Variants in NOTCH1 observed in about 807,000 individuals in gnomAD.
NOTCH1 encodes the protein notch receptor 1.
NOTCH1 carries 37 observed loss-of-function variants against 254.8 expected under a neutral mutation model. The observed-to-expected ratio is 0.15, with a 90% CI of 0.11 to 0.19. The LOEUF is 0.19. Ranked by LOEUF, NOTCH1 falls within the 10% of genes least tolerant of loss-of-function variation. The pLI is 1.00. For synonymous variants in NOTCH1, 1,731 were observed against 1,618.1 expected, an observed-to-expected ratio of 1.07 and a Z score of -1.68; for missense variants, 2,972 against 3,708.6, an observed-to-expected ratio of 0.80 and a Z score of 5.16.
chr9:136,512,906 C>CGG, intron 15 of NOTCH1, 115 bp downstream of exon 15: 2 of 500,926 alleles, frequency 4.0e-6, no homozygotes, highest in East Asian at 4.8e-5. Context: ...CTTCCCAGGC[C>CGG]GCCCCCACCC....
At position 136,518,433 on chromosome 9, in the gene NOTCH1, G is replaced by C. The variant is rs149384840; in HGVS notation, c.1100-141C>G. 7.7e-3 allele frequency: 9,377 copies of C among 1,210,888 alleles called. 52 individuals carry two copies. Among genetic ancestry groups the C allele is most frequent in the Non-Finnish European group, 9.3e-3 (7,949 of 852,776 alleles). The allele number at this position is 1,210,888 out of a possible 1,614,324, so 75.0% of individuals were successfully genotyped here. On this transcript the variant is annotated intron_variant, in intron 6 of 33. Transcript: ENST00000651671. Reference sequence around the variant, plus strand: ...TCGGGCATCCCGTGACACTTGGGACGTTCCGGGGGACTCACAGCGACCACC... The same window carrying C: ...TCGGGCATCCCGTGACACTTGGGACCTTCCGGGGGACTCACAGCGACCACC...
rs1034165273 is a variant in NOTCH1, at chr9:136,545,219, C to G, written c.61+507G>C. Among the ~76,000 whole-genome samples the G allele has an allele frequency of 3.3e-5, 5 of 152,044 alleles. No homozygotes were observed. Among genetic ancestry groups the G allele is most frequent in the African/African-American group, 1.2e-4 (5 of 41,412 alleles). ...CGGGGCGACCGGGAGCCCGGGGACC[C>G]AGCCCGGCCGCGCGGGTCAGTGAAG... is the stretch of plus-strand genomic sequence containing the variant. On this transcript the variant is annotated intron_variant, in intron 1 of 33. Coordinates refer to ENST00000651671, the MANE Select transcript of NOTCH1 (RefSeq NM_017617.5). This position sits in a 1 kb window ranked among gnomAD's most constrained non-coding sequence, Gnocchi z 6.8.
In NOTCH1 at chr9:136,506,698, C is replaced by T; in HGVS notation, c.3901+18G>A. The T allele has an allele frequency of 6.3e-7, 1 of 1,596,642 alleles. No individual in the cohort carries two copies. The highest frequency in any genetic ancestry group is 8.5e-7 in the Non-Finnish European group (1 of 1,172,390). On this transcript the variant is annotated intron_variant, in intron 23 of 33. Coordinates refer to ENST00000651671, the MANE Select transcript of NOTCH1 (RefSeq NM_017617.5). This position sits in a 1 kb window ranked among gnomAD's most constrained non-coding sequence, Gnocchi z 4.5. ...CCTGCTGCCCCACACGCCCCACCCG[C>T]CTGGGCGCGGCACCCACCGGTGTGA...
chr9:136,518,264 G>A lies in NOTCH1; in HGVS notation c.1128C>T (p.Cys376=). 1.2e-6 allele frequency: 2 copies of A among 1,611,282 alleles called. No individual in the cohort carries two copies. Among genetic ancestry groups the A allele is most frequent in the Non-Finnish European group, 1.7e-6 (2 of 1,179,382 alleles). Reference sequence around the variant, plus strand: ...AGCCCTCGTTACAGGGGTTGCTGATGCATGCGTCGTTGAGGTGGCACAGCA... The same window carrying A: ...AGCCCTCGTTACAGGGGTTGCTGATACATGCGTCGTTGAGGTGGCACAGCA... ...TGLLCHLNDA[C]ISNPCNEGSN... is the part of the protein sequence containing the mutation. The change falls in exon 7 of 34, where the codon TGC becomes TGT. Residue 376 remains cysteine (C), a synonymous_variant. Coordinates refer to ENST00000651671, the MANE Select transcript of NOTCH1 (RefSeq NM_017617.5).
chr9:136,527,921 T>C (rs990657718), intron 2 of NOTCH1, among the ~76,000 whole-genome samples: 1 of 152,108 alleles, frequency 6.6e-6, no homozygotes, highest in Non-Finnish European at 1.5e-5. Flanking sequence ...CCCGCCTCAG[T>C]ATTTCCACTG....
Position 136,519,433 on chromosome 9 carries a change from G to A in NOTCH1, c.865+10C>T, listed in dbSNP as rs760702631. On this transcript the variant is annotated intron_variant, in intron 5 of 33. Transcript: ENST00000651671. ...CGGCTACCCCGCCCTGCGGCGACCC[G>A]TATACGCGCCTGTCCACTCTGGCGG... 50 of 1,612,552 alleles carry A rather than the reference G, an allele frequency of 3.1e-5. No individual in the cohort carries two copies. Among genetic ancestry groups the A allele is most frequent in the Admixed American group, 5.0e-5 (3 of 60,012 alleles).
At chr9:136,518,500 G>T in intron 6 of NOTCH1, 91 bp downstream of exon 6, 3 of 1,260,912 alleles carry the variant, frequency 2.4e-6, no homozygotes, top group Non-Finnish European at 2.3e-6. Flanking sequence ...TATCCTGGGT[G>T]CAGGAGGGCC....
At position 136,523,104 on chromosome 9, in the gene NOTCH1, A is replaced by T; in HGVS notation, c.488T>A (p.Ile163Asn). The T allele has an allele frequency of 6.2e-7, 1 of 1,601,292 alleles. No homozygotes were observed. Among genetic ancestry groups the T allele is most frequent in the Non-Finnish European group, 8.5e-7 (1 of 1,174,970 alleles). Residue 163 changes from isoleucine (I) to asparagine (N), a missense_variant, in exon 4 of 34, where the codon ATC (isoleucine) becomes AAC (asparagine). This residue lies in a region of NOTCH1 where 374 missense variants were observed against 496.3 expected (regional missense o/e 0.75). Coordinates refer to ENST00000651671, the MANE Select transcript of NOTCH1 (RefSeq NM_017617.5). ...GQCLPFEASYICHCPPSFHGP... is the reference protein window; with the variant it reads ...GQCLPFEASYNCHCPPSFHGP... ...ATGGAAGCTGGGTGGGCAGTGGCAG[A>T]TGTAGGAGGCCTCGAAGGGCAGGCA...
At chr9:136,521,162 G>C (rs899580395) in intron 4 of NOTCH1, among the ~76,000 whole-genome samples, 5 of 152,200 alleles carry the variant, frequency 3.3e-5, no homozygotes, top group African/African-American at 1.2e-4. Context: ...GGGACAGTCT[G>C]AAGCTGGGGT....
rs564008736 is a variant in NOTCH1 at position 136,503,318 on chromosome 9, G to A, written c.5031C>T (p.Tyr1677=). 5 of 1,612,824 alleles carry A rather than the reference G, an allele frequency of 3.1e-6. No homozygotes were observed. The South Asian group carries it at 5.5e-5, about 18-fold the overall frequency. The part of the protein sequence containing the change: ...DPMDVRGSIV[Y]LEIDNRQCVQ... The stretch of plus-strand genomic sequence containing the variant: ...CACACTGCCGGTTGTCAATCTCCAG[G>A]TAGACGATGGAGCTGGGCGGACAAT... The change falls in exon 27 of 34, where the codon TAC becomes TAT. Residue 1677 remains tyrosine (Y), a synonymous_variant. Coordinates refer to ENST00000651671, the MANE Select transcript of NOTCH1 (RefSeq NM_017617.5).
intron 1 of NOTCH1, among the ~76,000 whole-genome samples, chr9:136,544,567 G>A (rs1251845876): frequency 6.6e-6 from 1 of 152,074 alleles, no homozygotes. Context: ...ACGGGGGGAG[G>A]GGGGGTGGCC....
chr9:136,518,926 C>A (rs1401627835), intron 5 of NOTCH1, 102 bp from the exon 6 acceptor site: 1 of 957,320 alleles, frequency 1.0e-6, no homozygotes, highest in East Asian at 2.5e-5. Context: ...AGGAAGCCTT[C>A]CTGGGCTGAC....
rs376244873 is a variant in NOTCH1 at position 136,523,114 on chromosome 9, C to T, written c.478G>A (p.Ala160Thr). The change falls in exon 4 of 34, where the codon GCC becomes ACC. Residue 160 changes from alanine (A) to threonine (T), a missense_variant. By Grantham distance (58) the Ala-to-Thr change is moderately conservative. Around this residue, in one of 8 missense-constraint regions of NOTCH1, gnomAD observed 374 missense variants for 496.3 expected, o/e 0.75. Transcript: ENST00000651671. ...GGTGGGCAGTGGCAGATGTAGGAGG[C>T]CTCGAAGGGCAGGCACTGGCCACCG... is the stretch of plus-strand genomic sequence containing the variant. Reference protein sequence around the residue: ...ANGGQCLPFEASYICHCPPSF... With the variant: ...ANGGQCLPFETSYICHCPPSF... 21 of 1,602,268 alleles carry T rather than the reference C, an allele frequency of 1.3e-5. No homozygotes were observed. The highest frequency in any genetic ancestry group is 8.0e-5 in the African/African-American group (6 of 74,752).
intron 2 of NOTCH1, among the ~76,000 whole-genome samples, chr9:136,533,431 G>A (rs758538251): frequency 1.3e-5 from 2 of 152,236 alleles, no homozygotes; most frequent in Non-Finnish European, 1.5e-5. Flanking sequence ...AGCTGAAACC[G>A]AGCGGAACTT....
In NOTCH1 at chr9:136,524,883, G is replaced by A. The variant is rs552289607; in HGVS notation, c.141-904C>T. ...GATCTCTTGACCTCGTGATCTGCCC[G>A]CCTCGGCCTCCCAAAGTGCTGGGAT... is the stretch of plus-strand genomic sequence containing the variant. On this transcript the variant is annotated intron_variant, in intron 2 of 33. Transcript: ENST00000651671. Among the ~76,000 whole-genome samples the A allele has an allele frequency of 3.9e-5, 6 of 152,074 alleles. No homozygotes were observed. The East Asian group carries it at 9.7e-4, about 25-fold the overall frequency.
intron 20 of NOTCH1, 30 bp downstream of exon 20, chr9:136,508,202 G>A (rs1843120075): frequency 6.2e-7 from 1 of 1,609,414 alleles, no homozygotes; most frequent in Non-Finnish European, 8.5e-7. Flanking sequence ...GATGGGCTGG[G>A]ACCCGAGCTG....
intron 2 of NOTCH1, among the ~76,000 whole-genome samples, chr9:136,524,637 T>C (rs1047761013): frequency 1.8e-5 from 1 of 54,926 alleles, no homozygotes; most frequent in African/African-American, 1.1e-4. Context: ...TCTTTTTCTT[T>C]TCTTTTTTTT....
Position 136,523,163 on chromosome 9 carries a change from C to T in NOTCH1, c.429G>A (p.Pro143=), listed in dbSNP as rs757406877. 1.9e-5 allele frequency: 31 copies of T among 1,604,286 alleles called. No homozygotes were observed. Among genetic ancestry groups the T allele is most frequent in the South Asian group, 4.5e-5 (4 of 89,376 alleles). Residue 143 remains proline, a synonymous_variant, in exon 4 of 34, where the codon CCG becomes CCA. Transcript: ENST00000651671. The part of the protein sequence containing the change: ...WSGKSCQQAD[P]CASNPCANGG... ...CGTTGGCGCAGGGGTTGGAGGCGCA[C>T]GGGTCAGCCTGCTGGCACGATTTCC...
At chr9:136,517,416 C>T (rs749654195) in intron 8 of NOTCH1, 31 bp from the exon 9 acceptor site, 15 of 1,431,124 alleles carry the variant, frequency 1.0e-5, no homozygotes, top group African/African-American at 9.9e-5. Context: ...GAGGGGGGCA[C>T]GCGCGGCCCC....
Sources: gnomAD v4.1 joint callset for allele counts (sites outside exome capture counted in the v4.1 genomes callset) on GRCh38, gnomAD v4.1.1 for gene constraint, gnomAD v4.1.1 regional missense constraint, Gnocchi (gnomAD v3.1) non-coding constraint, MANE v1.5 for transcripts, NCBI Gene and HGNC (gene_info 2026-07-23, HGNC 2026-07-21) for gene names.